ATP6V1E2: variants seen among roughly 807,000 people sequenced by gnomAD.
ATP6V1E2 encodes the protein ATPase H+ transporting V1 subunit E2.
For synonymous variants in ATP6V1E2, 121 were observed against 104.2 expected (o/e 1.16, Z -0.98); for missense variants, 308 against 273.3 (o/e 1.13, Z -0.90).
In ATP6V1E2 at chr2:46,512,817, A is replaced by G. The variant is rs879167322; in HGVS notation, c.-101-5T>C. The G allele has an allele frequency of 2.1e-6, 2 of 946,052 alleles. No individual in the cohort carries two copies. Among genetic ancestry groups the G allele is most frequent in the South Asian group, 1.7e-5 (1 of 58,542 alleles). 58.6% of individuals were successfully genotyped at this position (946,052 alleles called of 1,614,324 possible). On this transcript the variant is annotated splice_polypyrimidine_tract_variant and splice_region_variant and intron_variant, in intron 4 of 4. Transcript: ENST00000522587. ...TCTGGAGTTCCACTTTCTCAGCTAT[A>G]CCAGTGAACAAGAGGATGAAAGAGA...
At position 46,512,593 on chromosome 2, in the gene ATP6V1E2, A is replaced by G; in HGVS notation, c.119T>C (p.Ile40Thr). 1.9e-6 allele frequency: 3 copies of G among 1,614,108 alleles called. No individual in the cohort carries two copies. The highest frequency in any genetic ancestry group is 2.5e-6 in the Non-Finnish European group (3 of 1,180,016). Reference sequence around the variant, plus strand: ...GGTTTGCACGAGGCGTCCTTTCTCAATGTTAAACTCTTCCTCAGCCTTGGC... The same window carrying G: ...GGTTTGCACGAGGCGTCCTTTCTCAGTGTTAAACTCTTCCTCAGCCTTGGC... ...IDAKAEEEFNIEKGRLVQTQR... is the reference protein window; with the variant it reads ...IDAKAEEEFNTEKGRLVQTQR... The change falls in exon 5 of 5, where the codon ATT (isoleucine) becomes ACT (threonine). Residue 40 changes from isoleucine (I) to threonine (T), a missense_variant. By Grantham distance (89) the Ile-to-Thr change is moderately conservative. Coordinates refer to ENST00000522587, the MANE Select transcript of ATP6V1E2 (RefSeq NM_001318063.2).
chr2:46,515,578 C>T (rs1264918361), intron 4 of ATP6V1E2, among the ~76,000 whole-genome samples: 1 of 151,540 alleles, frequency 6.6e-6, no homozygotes. Flanking sequence ...GAGTCAAACA[C>T]AAGGAAGATA....
chr2:46,513,507 T>C (rs1460363354), intron 4 of ATP6V1E2, among the ~76,000 whole-genome samples: 3 of 152,212 alleles, frequency 2.0e-5, no homozygotes, highest in Admixed American at 2.0e-4. Flanking sequence ...ATCCATTATC[T>C]ATTCACTTCC....
chr2:46,540,329 G>A (rs1667665642), intron 2 of ATP6V1E2, among the ~76,000 whole-genome samples: 1 of 151,146 alleles, frequency 6.6e-6, no homozygotes, highest in Non-Finnish European at 1.5e-5. Flanking sequence ...GCTGAGGCTG[G>A]AGAATCACTT....
At chr2:46,513,703 T>C (rs1687582666) in intron 4 of ATP6V1E2, among the ~76,000 whole-genome samples, 1 of 152,084 alleles carries the variant, frequency 6.6e-6, no homozygotes, top group South Asian at 2.1e-4. Context: ...CACGTGTCTG[T>C]AGTCCCAGCT....
chr2:46,531,830 T>C (rs376459202), intron 4 of ATP6V1E2, among the ~76,000 whole-genome samples: 1 of 152,216 alleles, frequency 6.6e-6, no homozygotes, highest in Admixed American at 6.5e-5. Flanking sequence ...GATTTATATC[T>C]TGTTTGGAGA....
intron 4 of ATP6V1E2, among the ~76,000 whole-genome samples, chr2:46,517,233 G>C (rs1228053996): frequency 6.6e-6 from 1 of 152,150 alleles, no homozygotes; most frequent in Non-Finnish European, 1.5e-5. Context: ...CATAATGGGG[G>C]AAAGATAGCC....
rs553647270 is a variant in ATP6V1E2 at position 46,526,980 on chromosome 2, T to A, written c.-102+8833A>T. Among the ~76,000 whole-genome samples, 7 of 152,324 alleles carry A rather than the reference T, an allele frequency of 4.6e-5. No individual in the cohort carries two copies. In the South Asian group the frequency reaches 1.4e-3, roughly 32 times the overall value. On this transcript the variant is annotated intron_variant, in intron 4 of 4. Transcript: ENST00000522587. ...CCATTTTCCCCGGCAGCCGCACTAT[T>A]TTACAGTTCACAGCAATGCACATGG...
chr2:46,516,753 T>C (rs917456168), intron 4 of ATP6V1E2, among the ~76,000 whole-genome samples: 1 of 148,174 alleles, frequency 6.7e-6, no homozygotes, highest in East Asian at 2.0e-4. Flanking sequence ...AAAAAAAAAC[T>C]CTCAAGTTAC....
At chr2:46,521,851 C>T (rs1666643570) in intron 4 of ATP6V1E2, among the ~76,000 whole-genome samples, 3 of 152,036 alleles carry the variant, frequency 2.0e-5, no homozygotes, top group African/African-American at 4.8e-5. Context: ...CCACCACACC[C>T]GGCTAATTTT....
intron 3 of ATP6V1E2, among the ~76,000 whole-genome samples, chr2:46,536,198 G>C (rs1667436440): frequency 6.6e-6 from 1 of 152,208 alleles, no homozygotes; most frequent in Non-Finnish European, 1.5e-5. Flanking sequence ...GTTCTCAGAG[G>C]CTGGGCCATT....
rs993436032 is a variant in ATP6V1E2 at position 46,530,502 on chromosome 2, C to T, written c.-102+5311G>A. On this transcript the variant is annotated intron_variant, in intron 4 of 4. Coordinates refer to ENST00000522587, the MANE Select transcript of ATP6V1E2 (RefSeq NM_001318063.2). The surrounding 1 kb of genome is among the most constrained non-coding windows in gnomAD (Gnocchi z 5.2). Reference sequence around the variant, plus strand: ...ATTACCCGCTTTCCCTGGCCACCTGCCCTGCACTCTCCTCAAGTGTTATTA... The same window carrying T: ...ATTACCCGCTTTCCCTGGCCACCTGTCCTGCACTCTCCTCAAGTGTTATTA... Among the ~76,000 whole-genome samples the T allele has an allele frequency of 1.2e-4, 18 of 152,204 alleles. No individual in the cohort carries two copies. Among genetic ancestry groups the T allele is most frequent in the Non-Finnish European group, 4.4e-5 (3 of 68,022 alleles).
At chr2:46,525,448 C>T (rs1170489497) in intron 4 of ATP6V1E2, among the ~76,000 whole-genome samples, 1 of 126,026 alleles carries the variant, frequency 7.9e-6, no homozygotes, top group Non-Finnish European at 1.6e-5. Context: ...GGCGACAGAA[C>T]GAGACTCCGT....
At chr2:46,524,107 T>C (rs1346548900) in intron 4 of ATP6V1E2, among the ~76,000 whole-genome samples, 1 of 151,376 alleles carries the variant, frequency 6.6e-6, no homozygotes. Context: ...CTGAAGTTGC[T>C]TATCAATTCG....
rs746675743 is a variant in ATP6V1E2 at position 46,512,178 on chromosome 2, A to G, written c.534T>C (p.Ala178=). ...TGCCACTGTAGACCTCCACACCTCC[A>G]GCTGCATTCACAGCCAGGTATGCCT... ...DKEAYLAVNA[A]GGVEVYSGNQ... The change falls in exon 5 of 5, where the codon GCT becomes GCC. Residue 178 remains alanine, a synonymous_variant. Transcript: ENST00000522587. 1.2e-6 allele frequency: 2 copies of G among 1,614,078 alleles called. No individual in the cohort carries two copies. The highest frequency in any genetic ancestry group is 1.7e-5 in the Admixed American group (1 of 60,000).
chr2:46,536,566 G>C (rs1667455838), intron 3 of ATP6V1E2, 45 bp downstream of exon 3: 1 of 152,300 alleles, frequency 6.6e-6, no homozygotes, highest in Admixed American at 6.5e-5. Flanking sequence ...CATAACAGCA[G>C]GGCAGCACCA....
At chr2:46,514,497 T>C (rs1220383873) in intron 4 of ATP6V1E2, among the ~76,000 whole-genome samples, 1 of 151,914 alleles carries the variant, frequency 6.6e-6, no homozygotes. Context: ...ACCAAACAAA[T>C]TTTGGAGCTG....
At chr2:46,540,908 C>G (rs1667725521) in intron 2 of ATP6V1E2, among the ~76,000 whole-genome samples, 1 of 152,200 alleles carries the variant, frequency 6.6e-6, no homozygotes, top group African/African-American at 2.4e-5. Flanking sequence ...CAGTTCCCCA[C>G]TGGGAATGCT....
chr2:46,512,172 A>G lies in ATP6V1E2; in HGVS notation c.540T>C (p.Gly180=). The change falls in exon 5 of 5, where the codon GGT becomes GGC. Residue 180 remains glycine, a synonymous_variant. Coordinates refer to ENST00000522587, the MANE Select transcript of ATP6V1E2 (RefSeq NM_001318063.2). ...TCTGATTGCCACTGTAGACCTCCAC[A>G]CCTCCAGCTGCATTCACAGCCAGGT... is the stretch of plus-strand genomic sequence containing the variant. ...EAYLAVNAAG[G]VEVYSGNQRI... is the part of the protein sequence containing the mutation. 1 of 1,614,042 alleles carries G rather than the reference A, an allele frequency of 6.2e-7. No individual in the cohort carries two copies. The highest frequency in any genetic ancestry group is 8.5e-7 in the Non-Finnish European group (1 of 1,179,988).
Sources: gnomAD v4.1 joint callset for allele counts (sites outside exome capture counted in the v4.1 genomes callset) on GRCh38, gnomAD v4.1.1 for gene constraint, Gnocchi (gnomAD v3.1) non-coding constraint, MANE v1.5 for transcripts, NCBI Gene and HGNC (gene_info 2026-07-23, HGNC 2026-07-21) for gene names.